APC: variants seen among roughly 807,000 people sequenced by gnomAD.
APC encodes the protein APC regulator of Wnt signaling pathway.
APC carries 72 observed loss-of-function variants against 247.0 expected under a neutral mutation model. The ratio of observed to expected loss-of-function variants is 0.29; its 90% CI spans 0.24 to 0.35. APC has a LOEUF of 0.35. Among genes scored for constraint, APC ranks in the 10% least tolerant of loss-of-function variants. The probability of loss-of-function intolerance (pLI) is 1.00; values close to 1 mark genes in which losing one functional copy is unlikely to be tolerated. For missense variants in APC, 3,400 were observed against 3,360.7 expected (o/e 1.01, Z -0.29); for synonymous variants, 1,254 against 1,162.5 (o/e 1.08, Z -1.60).
At chr5:112,744,926 A>G (rs1753470428) in intron 1 of APC, among the ~76,000 whole-genome samples, 1 of 152,192 alleles carries the variant, frequency 6.6e-6, no homozygotes, top group South Asian at 2.1e-4. Flanking sequence ...GAAGTTATCT[A>G]CTGTTTTGGA....
chr5:112,803,045 T>C (rs1412886761), intron 8 of APC, among the ~76,000 whole-genome samples: 1 of 152,116 alleles, frequency 6.6e-6, no homozygotes, highest in Non-Finnish European at 1.5e-5. Flanking sequence ...TGGTCAACTT[T>C]ACTAATCATG....
At chr5:112,810,315 A>AT in intron 8 of APC, 1 of 249,406 alleles carries the variant, frequency 4.0e-6, no homozygotes, top group Non-Finnish European at 8.1e-6. Context: ...TACGCAGGTA[A>AT]TTTTAAGGTT....
chr5:112,834,149 C>G (rs1289513765), intron 14 of APC, among the ~76,000 whole-genome samples: 1 of 151,358 alleles, frequency 6.6e-6, no homozygotes. Context: ...ACCATGTTGT[C>G]CAGGCTGGTC....
At chr5:112,797,267 A>G (rs925740274) in intron 7 of APC, among the ~76,000 whole-genome samples, 5 of 152,062 alleles carry the variant, frequency 3.3e-5, no homozygotes, top group Admixed American at 3.3e-4. Context: ...ACTTTTTACA[A>G]TTTTGCCGTT....
chr5:112,709,153 C>G (rs1284254133), intron 1 of APC, among the ~76,000 whole-genome samples: 1 of 152,144 alleles, frequency 6.6e-6, no homozygotes, highest in Non-Finnish European at 1.5e-5. Flanking sequence ...TGAAGTTATG[C>G]TAGATGTTCT....
chr5:112,711,727 A>G (rs149203911), intron 1 of APC, among the ~76,000 whole-genome samples: 29 of 152,318 alleles, frequency 1.9e-4, no homozygotes, highest in African/African-American at 6.7e-4. Context: ...TCTCAAAAAA[A>G]CAAAAAAACC....
chr5:112,731,408 T>G (rs1189062395), intron 1 of APC, among the ~76,000 whole-genome samples: 1 of 152,176 alleles, frequency 6.6e-6, no homozygotes, highest in Non-Finnish European at 1.5e-5. Flanking sequence ...GCCTTCTTAT[T>G]GTGTCATCCC....
At position 112,842,232 on chromosome 5, in the gene APC, T is replaced by G. The variant is rs2149969522; in HGVS notation, c.6638T>G (p.Met2213Arg). 6.2e-7 allele frequency: 1 copy of G among 1,613,994 alleles called. No individual in the cohort carries two copies. The highest frequency in any genetic ancestry group is 8.5e-7 in the Non-Finnish European group (1 of 1,179,884). ...VRSNSEISGQ[M>R]KQPLQANMPS... ...TCTAATTCAGAAATTTCAGGCCAAA[T>G]GAAACAGCCCCTTCAAGCAAACATG... Residue 2213 changes from methionine to arginine, a missense_variant, in exon 16 of 16, where the codon ATG becomes AGG. Coordinates refer to ENST00000257430, the MANE Select transcript of APC (RefSeq NM_000038.6).
intron 11 of APC, among the ~76,000 whole-genome samples, chr5:112,826,686 ATTAAAGTAG>A (rs1331068722): frequency 6.6e-6 from 1 of 151,568 alleles, no homozygotes; most frequent in Non-Finnish European, 1.5e-5. Context: ...AAAAAAAAAA[ATTAAAGTAG>A]TTAGGCCACA....
At chr5:112,782,510 A>G (rs990338576) in intron 6 of APC, among the ~76,000 whole-genome samples, 1 of 152,172 alleles carries the variant, frequency 6.6e-6, no homozygotes, top group Non-Finnish European at 1.5e-5. Flanking sequence ...GAAGGTTAAG[A>G]TCATAATGAG....
intron 8 of APC, among the ~76,000 whole-genome samples, chr5:112,804,421 T>C (rs981553884): frequency 3.9e-5 from 6 of 152,120 alleles, no homozygotes; most frequent in Admixed American, 3.3e-4. Flanking sequence ...TCTCGCTCTG[T>C]CAGCAGGCTG....
At chr5:112,731,047 A>G (rs959806448) in intron 1 of APC, among the ~76,000 whole-genome samples, 1 of 151,758 alleles carries the variant, frequency 6.6e-6, no homozygotes, top group Non-Finnish European at 1.5e-5. Flanking sequence ...TTCACATAAT[A>G]TATGGATTAT....
rs1554088957 is a variant in APC, at chr5:112,843,790, C to A, written c.8196C>A (p.Asp2732Glu). ...CCTTTATTCAGGTGGATGCCCCTGA[C>A]CAAAAAGGAACTGAGATAAAACCAG... ...LNSFIQVDAPDQKGTEIKPGQ... is the reference protein window; with the variant it reads ...LNSFIQVDAPEQKGTEIKPGQ... Residue 2732 changes from aspartate to glutamate, a missense_variant, in exon 16 of 16, where the codon GAC (aspartate) becomes GAA (glutamate). By Grantham distance (45) the Asp-to-Glu change is conservative. Coordinates refer to ENST00000257430, the MANE Select transcript of APC (RefSeq NM_000038.6). This position sits in a 1 kb window ranked among gnomAD's most constrained non-coding sequence, Gnocchi z 4.8. 6.2e-7 allele frequency: 1 copy of A among 1,613,966 alleles called. No homozygotes were observed. Among genetic ancestry groups the A allele is most frequent in the Non-Finnish European group, 8.5e-7 (1 of 1,179,902 alleles).
At position 112,835,156 on chromosome 5, in the gene APC, A is replaced by G; in HGVS notation, c.1949A>G (p.Glu650Gly). Reference protein sequence around the residue: ...RNVSSLIATNEDHRQILRENN... With the variant: ...RNVSSLIATNGDHRQILRENN... ...GTGTCCAGCTTGATAGCTACAAATG[A>G]GGACCACAGGTATATATAGAGTTTT... Residue 650 changes from glutamate to glycine, a missense_variant, in exon 15 of 16, where the codon GAG becomes GGG. By Grantham distance (98) the Glu-to-Gly change is moderately conservative. Coordinates refer to ENST00000257430, the MANE Select transcript of APC (RefSeq NM_000038.6). 6.2e-7 allele frequency: 1 copy of G among 1,613,374 alleles called. No individual in the cohort carries two copies. Among genetic ancestry groups the G allele is most frequent in the Non-Finnish European group, 8.5e-7 (1 of 1,179,412 alleles).
At chr5:112,716,758 A>G (rs1194154026) in intron 1 of APC, among the ~76,000 whole-genome samples, 2 of 152,220 alleles carry the variant, frequency 1.3e-5, no homozygotes, top group Non-Finnish European at 2.9e-5. Flanking sequence ...ATATCTTCTC[A>G]GTGACTCAAC....
chr5:112,821,061 G>A (rs1390858338), intron 10 of APC, among the ~76,000 whole-genome samples: 3 of 149,756 alleles, frequency 2.0e-5, no homozygotes, highest in Non-Finnish European at 4.4e-5. Flanking sequence ...GAGAGACGGG[G>A]TTTTGCCATG....
chr5:112,832,837 G>C (rs1365685611), intron 14 of APC, among the ~76,000 whole-genome samples: 1 of 152,106 alleles, frequency 6.6e-6, no homozygotes, highest in Non-Finnish European at 1.5e-5. Context: ...GTATATTTTT[G>C]TATCTTTTTT....
chr5:112,809,865 C>T (rs946850091), intron 8 of APC, among the ~76,000 whole-genome samples: 15 of 152,068 alleles, frequency 9.9e-5, no homozygotes, highest in Admixed American at 7.9e-4. Context: ...GGCGTGGCAG[C>T]GCGTGCCTGT....
chr5:112,748,524 A>C (rs763402035), intron 1 of APC, among the ~76,000 whole-genome samples: 2 of 152,286 alleles, frequency 1.3e-5, no homozygotes, highest in Non-Finnish European at 2.9e-5. Flanking sequence ...GATAGTAGAC[A>C]TCTTATTCCT....
Sources: allele counts gnomAD v4.1 joint callset (sites outside exome capture counted in the v4.1 genomes callset), GRCh38; gene constraint gnomAD v4.1.1; non-coding constraint Gnocchi (gnomAD v3.1); transcripts MANE v1.5; gene names NCBI Gene and HGNC (gene_info 2026-07-23, HGNC 2026-07-21).